Variants in PPL observed in about 807,000 individuals in gnomAD.
PPL encodes 190 kDa paraneoplastic pemphigus antigen.
PPL carries 198 observed loss-of-function variants against 194.4 expected under a neutral mutation model. That is an observed-to-expected ratio of 1.02 (90% CI 0.91 to 1.15). The LOEUF is 1.15. Among genes scored for constraint, PPL ranks in the 50% most tolerant of loss-of-function variants. The pLI is 0.00. For synonymous variants in PPL, 1,220 were observed against 972.4 expected, an observed-to-expected ratio of 1.25 and a Z score of -4.74; for missense variants, 2,885 against 2,294.8, an observed-to-expected ratio of 1.26 and a Z score of -5.25.
intron 14 of PPL, 93 bp downstream of exon 14, chr16:4,893,120 C>T (rs1424839899): frequency 7.2e-7 from 1 of 1,398,532 alleles, no homozygotes; most frequent in Non-Finnish European, 9.4e-7. Context: ...GTGAATATCC[C>T]AAGACTCCAT....
At chr16:4,928,872 G>A (rs937259662) in intron 1 of PPL, among the ~76,000 whole-genome samples, 4 of 151,956 alleles carry the variant, frequency 2.6e-5, no homozygotes, top group Non-Finnish European at 4.4e-5. Context: ...ATAGCCAGGC[G>A]TGGTGGTGGG....
chr16:4,901,153 C>A, intron 4 of PPL, 64 bp from the exon 5 acceptor site: 1 of 1,572,350 alleles, frequency 6.4e-7, no homozygotes, highest in Non-Finnish European at 8.6e-7. Flanking sequence ...CGTGTGGCCA[C>A]CCCAGGAGCC....
At chr16:4,920,548 C>T (rs1265008064) in intron 1 of PPL, among the ~76,000 whole-genome samples, 1 of 152,036 alleles carries the variant, frequency 6.6e-6, no homozygotes, top group Non-Finnish European at 1.5e-5. Context: ...ACTGCAACCT[C>T]CGTCTCTGGA....
At chr16:4,935,528 A>G (rs1372620892) in intron 1 of PPL, among the ~76,000 whole-genome samples, 1 of 151,902 alleles carries the variant, frequency 6.6e-6, no homozygotes, top group Non-Finnish European at 1.5e-5. Flanking sequence ...GCAGCCATGG[A>G]GGAGGGGTGT....
rs1334825316 is a variant in PPL at position 4,885,262 on chromosome 16, G to A, written c.3393C>T (p.Ser1131=). 4 of 1,612,400 alleles carry A rather than the reference G, an allele frequency of 2.5e-6. No individual in the cohort carries two copies. Among genetic ancestry groups the A allele is most frequent in the Middle Eastern group, 1.7e-4 (1 of 6,060 alleles). ...CGTCCTCATATTGGCGGGTGAGATC[G>A]CTGACCTCCCTCTCGGTGGCCGCGT... ...EKDAATEREV[S]DLTRQYEDEA... Residue 1131 remains serine (S), a synonymous_variant, in exon 22 of 22, where the codon AGC becomes AGT. Coordinates refer to ENST00000345988, the MANE Select transcript of PPL (RefSeq NM_002705.5). The surrounding 1 kb of genome is among the most constrained non-coding windows in gnomAD (Gnocchi z 6.3).
In PPL at chr16:4,906,937, A is replaced by G. The variant is rs183006603; in HGVS notation, c.163-2897T>C. ...TAGAGTTTATATAAGTTATACCTTG[A>G]TAAAAAAGTTTTTTAAAGTCACAGG... is the stretch of plus-strand genomic sequence containing the variant. On this transcript the variant is annotated intron_variant, in intron 2 of 21. Transcript: ENST00000345988. Among the ~76,000 whole-genome samples, 703 of 152,326 alleles carry G rather than the reference A, an allele frequency of 4.6e-3. 2 individuals carry two copies. Among genetic ancestry groups the G allele is most frequent in the Middle Eastern group, 0.014 (4 of 294 alleles).
In PPL at chr16:4,895,299, T is replaced by A. The variant is rs371429691; in HGVS notation, c.1204A>T (p.Ile402Phe). 1.1e-5 allele frequency: 18 copies of A among 1,612,412 alleles called. No individual in the cohort carries two copies. In the East Asian group the frequency reaches 1.3e-4, roughly 12 times the overall value. Residue 402 changes from isoleucine to phenylalanine, a missense_variant, in exon 11 of 22, where the codon ATC becomes TTC. Ile to Phe is a conservative substitution (Grantham distance 21, BLOSUM62 0). Coordinates refer to ENST00000345988, the MANE Select transcript of PPL (RefSeq NM_002705.5). ...KYRRETPLKP[I>F]PVEALCDFEG... The stretch of plus-strand genomic sequence containing the variant: ...AAGTCACAGAGTGCCTCCACGGGGA[T>A]GGGCTTGAGCGGAGTCTCCCGGCGG...
At chr16:4,931,808 C>T (rs576780420) in intron 1 of PPL, among the ~76,000 whole-genome samples, 2 of 152,342 alleles carry the variant, frequency 1.3e-5, no homozygotes, top group East Asian at 3.9e-4. Context: ...CCAAAATACC[C>T]TTTCCCAACA....
At chr16:4,915,140 C>T (rs1206380431) in intron 1 of PPL, among the ~76,000 whole-genome samples, 2 of 152,242 alleles carry the variant, frequency 1.3e-5, no homozygotes, top group East Asian at 1.9e-4. Flanking sequence ...GCAAGAAAAG[C>T]CACCTTCTGG....
intron 1 of PPL, among the ~76,000 whole-genome samples, chr16:4,933,956 C>T (rs1016659724): frequency 2.0e-5 from 3 of 152,232 alleles, no homozygotes; most frequent in African/African-American, 4.8e-5. Flanking sequence ...AACCTTTCCC[C>T]TGCATTATTT....
At chr16:4,891,560 T>C in intron 16 of PPL, 1 of 414,344 alleles carries the variant, frequency 2.4e-6, no homozygotes, top group South Asian at 5.8e-5. Flanking sequence ...GTTACAGGCA[T>C]GTGCCACTAC....
intron 1 of PPL, among the ~76,000 whole-genome samples, chr16:4,929,963 G>C (rs1234165863): frequency 6.6e-6 from 1 of 151,934 alleles, no homozygotes; most frequent in Non-Finnish European, 1.5e-5. Context: ...GCTAGGACAA[G>C]TGCGAACCAC....
chr16:4,931,602 G>C (rs1462932782), intron 1 of PPL, among the ~76,000 whole-genome samples: 44 of 152,318 alleles, frequency 2.9e-4, no homozygotes, highest in African/African-American at 1.0e-3. Context: ...GCAAGGTGGT[G>C]CCGGTAACAC....
chr16:4,908,445 T>TCTCTCTCTCACA (rs138719548), intron 2 of PPL, among the ~76,000 whole-genome samples: 1 of 151,258 alleles, frequency 6.6e-6, no homozygotes. Context: ...TCTCTCTCTC[T>TCTCTCTCTCACA]CACACACATA....
intron 18 of PPL, 29 bp from the exon 19 acceptor site, chr16:4,889,090 T>C: frequency 1.3e-6 from 2 of 1,598,332 alleles, no homozygotes; most frequent in Non-Finnish European, 1.7e-6. Flanking sequence ...AAATCAAAAC[T>C]AACCAGAAAA....
At chr16:4,935,459 C>T (rs920566054) in intron 1 of PPL, among the ~76,000 whole-genome samples, 1 of 152,120 alleles carries the variant, frequency 6.6e-6, no homozygotes, top group Admixed American at 6.5e-5. Context: ...TGTGCAATGC[C>T]CCAGGGAACA....
At chr16:4,900,789 C>G in intron 6 of PPL, 41 bp downstream of exon 6, 2 of 1,613,578 alleles carry the variant, frequency 1.2e-6, no homozygotes, top group Non-Finnish European at 1.7e-6. Flanking sequence ...TTCCCATCCT[C>G]TCCTCTCCCC....
chr16:4,930,216 C>T (rs983530425), intron 1 of PPL, among the ~76,000 whole-genome samples: 3 of 152,198 alleles, frequency 2.0e-5, no homozygotes, highest in Non-Finnish European at 4.4e-5. Context: ...CCGGGTTCGG[C>T]GTGGAGGACC....
chr16:4,908,421 T>TC (rs2088746433), intron 2 of PPL, among the ~76,000 whole-genome samples: 4 of 41,098 alleles, frequency 9.7e-5, no homozygotes, highest in Admixed American at 6.6e-4. Flanking sequence ...CTCTTCCTTC[T>TC]TTCTCTCTCT....
Sources: allele counts gnomAD v4.1 joint callset (sites outside exome capture counted in the v4.1 genomes callset), GRCh38; gene constraint gnomAD v4.1.1; non-coding constraint Gnocchi (gnomAD v3.1); transcripts MANE v1.5; gene names NCBI Gene and HGNC (gene_info 2026-07-23, HGNC 2026-07-21).